Variants in ATP1B3 observed in about 807,000 individuals in gnomAD.
ATP1B3 encodes sodium/potassium-transporting ATPase subunit beta-3.
ATP1B3 carries 10 observed loss-of-function variants against 30.2 expected under a neutral mutation model. The ratio of observed to expected loss-of-function variants is 0.33; its 90% CI spans 0.20 to 0.56. The LOEUF (loss-of-function observed/expected upper bound fraction) is 0.56, where lower values mean the gene tolerates loss of function less well. ATP1B3 is among the 20% of genes least tolerant of loss of function. The pLI is 0.90. For missense variants in ATP1B3, 238 were observed against 336.7 expected, an observed-to-expected ratio of 0.71 and a Z score of 2.29; for synonymous variants, 113 against 117.0, an observed-to-expected ratio of 0.97 and a Z score of 0.22.
At chr3:141,901,068 CCA>C (rs1472300687) in intron 1 of ATP1B3, among the ~76,000 whole-genome samples, 2 of 152,236 alleles carry the variant, frequency 1.3e-5, no homozygotes, top group African/African-American at 4.8e-5. Context: ...CAGGCGTGAG[CCA>C]CTGCACCTGG....
chr3:141,921,337 A>G (rs1376562023), intron 5 of ATP1B3, among the ~76,000 whole-genome samples: 1 of 152,244 alleles, frequency 6.6e-6, no homozygotes, highest in Non-Finnish European at 1.5e-5. Context: ...GTTGATAAAC[A>G]TGGAATTCTA....
At chr3:141,882,470 G>C (rs1290386891) in intron 1 of ATP1B3, among the ~76,000 whole-genome samples, 1 of 152,000 alleles carries the variant, frequency 6.6e-6, no homozygotes, top group Non-Finnish European at 1.5e-5. Context: ...GTGTCCTTGG[G>C]TCTGTCACCT....
At chr3:141,925,306 T>A (rs991006416) in intron 6 of ATP1B3, among the ~76,000 whole-genome samples, 3 of 152,030 alleles carry the variant, frequency 2.0e-5, no homozygotes, top group East Asian at 1.9e-4. Flanking sequence ...TACAAAAAAA[T>A]TTAAAAATTA....
At chr3:141,890,201 G>T (rs568344402) in intron 1 of ATP1B3, among the ~76,000 whole-genome samples, 1 of 138,712 alleles carries the variant, frequency 7.2e-6, no homozygotes, top group African/African-American at 2.7e-5. Flanking sequence ...CTCCTGCCTC[G>T]CCTCCTGAGT....
intron 5 of ATP1B3, among the ~76,000 whole-genome samples, chr3:141,919,772 C>T (rs1316963833): frequency 6.6e-6 from 1 of 152,132 alleles, no homozygotes; most frequent in Non-Finnish European, 1.5e-5. Flanking sequence ...AACCCCATCT[C>T]TACTAAAAAT....
intron 1 of ATP1B3, among the ~76,000 whole-genome samples, chr3:141,882,200 G>T (rs1169165446): frequency 6.6e-6 from 1 of 152,136 alleles, no homozygotes; most frequent in Non-Finnish European, 1.5e-5. Flanking sequence ...AACACTGATT[G>T]TGAAATAGGA....
intron 2 of ATP1B3, 106 bp downstream of exon 2, chr3:141,903,854 T>G (rs1045337468): frequency 1.6e-5 from 21 of 1,321,224 alleles, no homozygotes; most frequent in Non-Finnish European, 1.5e-5. Context: ...TGATCTTGGG[T>G]CACTGCAACC....
At chr3:141,894,310 A>C (rs994407119) in intron 1 of ATP1B3, among the ~76,000 whole-genome samples, 4 of 150,540 alleles carry the variant, frequency 2.7e-5, no homozygotes, top group Non-Finnish European at 4.4e-5. Flanking sequence ...ACCTTAGCTT[A>C]CTGTAACTTT....
At chr3:141,913,506 A>T in intron 3 of ATP1B3, 146 bp from the exon 4 acceptor site, 1 of 649,206 alleles carries the variant, frequency 1.5e-6, no homozygotes, top group Non-Finnish European at 2.5e-6. Context: ...TAAAGGGGCA[A>T]ACTTAACATT....
intron 1 of ATP1B3, among the ~76,000 whole-genome samples, chr3:141,891,640 C>T (rs1933955455): frequency 6.6e-6 from 1 of 151,686 alleles, no homozygotes; most frequent in South Asian, 2.1e-4. Context: ...CATCTTAAAT[C>T]TCTCCTACTT....
intron 1 of ATP1B3, among the ~76,000 whole-genome samples, chr3:141,892,948 AC>A (rs1284330643): frequency 1.3e-5 from 2 of 152,166 alleles, no homozygotes; most frequent in African/African-American, 4.8e-5. Context: ...AGCAATTAAA[AC>A]ATCTTAGATG....
intron 3 of ATP1B3, among the ~76,000 whole-genome samples, chr3:141,912,748 C>A (rs1934389273): frequency 6.6e-6 from 1 of 152,190 alleles, no homozygotes; most frequent in Non-Finnish European, 1.5e-5. Flanking sequence ...TTGGGCTAAA[C>A]ACTGTGCCAA....
chr3:141,912,413 C>T (rs368686746), intron 3 of ATP1B3, among the ~76,000 whole-genome samples: 20 of 152,186 alleles, frequency 1.3e-4, no homozygotes, highest in South Asian at 2.1e-4. Flanking sequence ...CACCTGCCAC[C>T]GCACCCAGCT....
At chr3:141,881,214 AAAAAG>A (rs1230275998) in intron 1 of ATP1B3, among the ~76,000 whole-genome samples, 17 of 151,922 alleles carry the variant, frequency 1.1e-4, no homozygotes, top group Non-Finnish European at 2.4e-4. Context: ...CAAAAAAAAA[AAAAAG>A]AAAAGAAAAA....
At chr3:141,885,969 G>C (rs1933825760) in intron 1 of ATP1B3, among the ~76,000 whole-genome samples, 1 of 151,102 alleles carries the variant, frequency 6.6e-6, no homozygotes, top group Admixed American at 6.6e-5. Flanking sequence ...CTTAACTACT[G>C]GTGCATCTCC....
At chr3:141,920,691 A>G (rs973962825) in intron 5 of ATP1B3, among the ~76,000 whole-genome samples, 1 of 152,250 alleles carries the variant, frequency 6.6e-6, no homozygotes, top group Non-Finnish European at 1.5e-5. Context: ...CACTGATATC[A>G]GAGTGACTAG....
chr3:141,923,947 G>A (rs919794900), intron 6 of ATP1B3, among the ~76,000 whole-genome samples: 5 of 152,202 alleles, frequency 3.3e-5, no homozygotes, highest in African/African-American at 1.2e-4. Flanking sequence ...TCCGTTAATG[G>A]TGATACTGCC....
chr3:141,904,866 C>T (rs549919254), intron 2 of ATP1B3, among the ~76,000 whole-genome samples: 145 of 151,884 alleles, frequency 9.5e-4, no homozygotes, highest in South Asian at 1.7e-3. Flanking sequence ...TGTGTCACCA[C>T]GCCCAGCTAA....
intron 5 of ATP1B3, among the ~76,000 whole-genome samples, chr3:141,921,231 A>T (rs1254366840): frequency 6.6e-6 from 1 of 152,212 alleles, no homozygotes; most frequent in Non-Finnish European, 1.5e-5. Context: ...AAAGTGTTAC[A>T]TGTGAATTTT....
Sources: allele counts gnomAD v4.1 joint callset (sites outside exome capture counted in the v4.1 genomes callset), GRCh38; gene constraint gnomAD v4.1.1; transcripts MANE v1.5; gene names NCBI Gene and HGNC (gene_info 2026-07-23, HGNC 2026-07-21).